The following BBX variants were observed in gnomAD, a reference collection of about 807,000 sequenced individuals.
The protein encoded by BBX is HMG box transcription factor BBX.
Under a neutral mutation model 100.2 loss-of-function variants are expected in BBX, and 30 were observed. That is an observed-to-expected ratio of 0.30 (90% confidence interval 0.22 to 0.41). The LOEUF (loss-of-function observed/expected upper bound fraction) is 0.41. BBX is among the 10% of genes least tolerant of loss of function. The pLI is 1.00. For synonymous variants in BBX, 376 were observed against 388.1 expected, an observed-to-expected ratio of 0.97 and a Z score of 0.37; for missense variants, 1,023 against 1,129.8, an observed-to-expected ratio of 0.91 and a Z score of 1.35.
intron 3 of BBX, among the ~76,000 whole-genome samples, chr3:107,701,807 C>T: frequency 7.9e-6 from 1 of 126,958 alleles, no homozygotes. Context: ...CCTCAGGTTT[C>T]TCATCTGTAA....
intron 2 of BBX, among the ~76,000 whole-genome samples, chr3:107,636,962 A>G (rs781063700): frequency 2.0e-5 from 3 of 152,172 alleles, no homozygotes; most frequent in Non-Finnish European, 2.9e-5. Context: ...TTTAAAGGAG[A>G]ATTACTCTTC....
At chr3:107,607,271 A>G (rs1395795715) in intron 2 of BBX, among the ~76,000 whole-genome samples, 1 of 151,998 alleles carries the variant, frequency 6.6e-6, no homozygotes, top group Non-Finnish European at 1.5e-5. Context: ...TAATATTTAT[A>G]TTTTTGGTAG....
At chr3:107,734,417 C>CT in intron 7 of BBX, among the ~76,000 whole-genome samples, 1 of 152,280 alleles carries the variant, frequency 6.6e-6, no homozygotes, top group South Asian at 2.1e-4. Flanking sequence ...TAGTTTCTAA[C>CT]ATAATAGCAT....
At chr3:107,694,881 T>C (rs1455565346) in intron 3 of BBX, among the ~76,000 whole-genome samples, 2 of 151,682 alleles carry the variant, frequency 1.3e-5, no homozygotes, top group Admixed American at 6.6e-5. Context: ...GCTCCTGTTA[T>C]TGGTCTATTC....
intron 3 of BBX, among the ~76,000 whole-genome samples, chr3:107,678,552 C>T (rs546440738): frequency 6.6e-6 from 1 of 152,058 alleles, no homozygotes; most frequent in South Asian, 2.1e-4. Context: ...AGTGAGACCT[C>T]GCTTCTGCAA....
At chr3:107,598,231 C>T (rs1465278504) in intron 2 of BBX, among the ~76,000 whole-genome samples, 1 of 152,128 alleles carries the variant, frequency 6.6e-6, no homozygotes, top group Admixed American at 6.6e-5. Context: ...TAGAACACTG[C>T]TGACCAAGGT....
At chr3:107,729,036 A>G in intron 6 of BBX, 76 bp downstream of exon 6, 1 of 1,461,764 alleles carries the variant, frequency 6.8e-7, no homozygotes, top group Non-Finnish European at 9.3e-7. Flanking sequence ...AACAATACTG[A>G]GGGCGGGGGG....
intron 2 of BBX, among the ~76,000 whole-genome samples, chr3:107,609,173 A>G (rs2054655435): frequency 6.6e-6 from 1 of 151,982 alleles, no homozygotes; most frequent in African/African-American, 2.4e-5. Context: ...TCCTGTTGCT[A>G]TGATGTATCA....
intron 2 of BBX, among the ~76,000 whole-genome samples, chr3:107,576,797 C>T (rs1470561224): frequency 1.3e-5 from 2 of 152,034 alleles, no homozygotes; most frequent in Non-Finnish European, 1.5e-5. Context: ...TTGACCAAAA[C>T]GCACTATTTT....
intron 3 of BBX, among the ~76,000 whole-genome samples, chr3:107,665,625 T>C (rs1159815069): frequency 6.6e-6 from 1 of 152,152 alleles, no homozygotes; most frequent in African/African-American, 2.4e-5. Context: ...TGTTCTAGTA[T>C]AAAAAATGCC....
At chr3:107,789,049 A>G (rs1031388589) in intron 13 of BBX, among the ~76,000 whole-genome samples, 8 of 152,150 alleles carry the variant, frequency 5.3e-5, no homozygotes, top group Non-Finnish European at 5.9e-5. Context: ...AACTGACCAG[A>G]TGGGAGCATC....
intron 2 of BBX, among the ~76,000 whole-genome samples, chr3:107,601,230 C>A (rs999521046): frequency 1.3e-5 from 2 of 152,094 alleles, no homozygotes. Flanking sequence ...CCGATTGTCT[C>A]CAACACAACA....
chr3:107,539,313 A>G (rs1016869425), intron 2 of BBX, among the ~76,000 whole-genome samples: 2 of 152,226 alleles, frequency 1.3e-5, no homozygotes, highest in African/African-American at 4.8e-5. Context: ...GTAGTGACAT[A>G]CATATACCAA....
Position 107,774,724 on chromosome 3 carries a change from C to T in BBX, c.1921C>T (p.Arg641Ter). The T allele has an allele frequency of 6.2e-7, 1 of 1,611,806 alleles. No homozygotes were observed. The highest frequency in any genetic ancestry group is 8.5e-7 in the Non-Finnish European group (1 of 1,178,948). The change falls in exon 12 of 18, where the codon CGA becomes TGA. Residue 641 changes from arginine to a stop codon, truncating the protein, a stop_gained. Coordinates refer to ENST00000325805, the MANE Select transcript of BBX (RefSeq NM_001142568.3). LOFTEE classifies it high-confidence loss of function. The part of the protein sequence containing the change: ...SLRANVDRGK[R>*]SSGKGNSSDH... Reference sequence around the variant, plus strand: ...TTTCTCTTGAATTTTCTTAGGAAAACGAAGCTCAGGAAAAGGAAACTCCTC... The same window carrying T: ...TTTCTCTTGAATTTTCTTAGGAAAATGAAGCTCAGGAAAAGGAAACTCCTC...
chr3:107,802,030 A>G (rs990300633), intron 17 of BBX, among the ~76,000 whole-genome samples: 11 of 152,234 alleles, frequency 7.2e-5, no homozygotes, highest in Non-Finnish European at 1.5e-4. Context: ...CCCCACAGAA[A>G]GTATATTAAG....
chr3:107,796,129 C>T (rs1421196830), intron 15 of BBX, among the ~76,000 whole-genome samples: 1 of 152,144 alleles, frequency 6.6e-6, no homozygotes, highest in African/African-American at 2.4e-5. Context: ...AACAGAGGCC[C>T]ATGGTTGGTT....
chr3:107,711,077 C>T (rs1368393687), intron 4 of BBX, among the ~76,000 whole-genome samples: 1 of 152,342 alleles, frequency 6.6e-6, no homozygotes, highest in East Asian at 1.9e-4. Flanking sequence ...TGTGATGACT[C>T]ATTCCTCCTA....
intron 9 of BBX, among the ~76,000 whole-genome samples, chr3:107,751,513 G>A (rs1429032444): frequency 6.6e-6 from 1 of 152,034 alleles, no homozygotes; most frequent in South Asian, 2.1e-4. Context: ...TCTTTAAGTC[G>A]AAAATGTTTT....
Position 107,744,710 on chromosome 3 carries a change from G to C in BBX, c.750G>C (p.Glu250Asp), listed in dbSNP as rs2064419804. 6.2e-7 allele frequency: 1 copy of C among 1,610,326 alleles called. No homozygotes were observed. The highest frequency in any genetic ancestry group is 1.3e-5 in the African/African-American group (1 of 74,882). The change falls in exon 8 of 18, where the codon GAG becomes GAC. Residue 250 changes from glutamate to aspartate, a missense_variant and splice_region_variant. Coordinates refer to ENST00000325805, the MANE Select transcript of BBX (RefSeq NM_001142568.3). ...AGTCACCATTGTTTCAGTTTGCCGA[G>C]GTAATATATTACAATTGATACTTAA... ...RQKSPLFQFA[E>D]ISSSTSHSDA...
Sources: gnomAD v4.1 joint callset for allele counts (sites outside exome capture counted in the v4.1 genomes callset) on GRCh38, gnomAD v4.1.1 for gene constraint, MANE v1.5 for transcripts, NCBI Gene and HGNC (gene_info 2026-07-23, HGNC 2026-07-21) for gene names.